Variants in NFATC2 observed in about 807,000 individuals in gnomAD.
The protein encoded by NFATC2 is nuclear factor of activated T-cells, cytoplasmic 2.
In NFATC2, 22 loss-of-function variants were observed where a neutral mutation model predicts 87.3. The observed-to-expected ratio is 0.25, with a 90% CI of 0.18 to 0.36. The LOEUF is 0.36. Among genes scored for constraint, NFATC2 ranks in the 10% least tolerant of loss-of-function variants. The pLI is 1.00. For missense variants in NFATC2, 1,149 were observed against 1,259.1 expected (o/e 0.91, Z 1.32); for synonymous variants, 565 against 542.2 (o/e 1.04, Z -0.58).
chr20:51,540,871 G>A lies in NFATC2; in HGVS notation c.130+1499C>T, dbSNP rs113027961. On this transcript the variant is annotated intron_variant, in intron 1 of 10. Coordinates refer to ENST00000371564, the MANE Select transcript of NFATC2 (RefSeq NM_012340.5). ...CAATCTGGGAGGGGTGTGAGTATTC[G>A]TTCCCTGAAAAACATGACTTTAATC... Among the ~76,000 whole-genome samples, 397 of 152,056 alleles carry A rather than the reference G, an allele frequency of 2.6e-3. 1 individual carries two copies. The highest frequency in any genetic ancestry group is 8.8e-3 in the African/African-American group (365 of 41,432).
chr20:51,523,188 G>T lies in NFATC2; in HGVS notation c.1053C>A (p.Phe351Leu). Residue 351 changes from phenylalanine (F) to leucine (L), a missense_variant, in exon 2 of 11, where the codon TTC becomes TTA. By Grantham distance (22) the Phe-to-Leu change is conservative (BLOSUM62 0). Around this residue, in one of 3 missense-constraint regions of NFATC2, gnomAD observed 563 missense variants for 585.2 expected, o/e 0.96. Coordinates refer to ENST00000371564, the MANE Select transcript of NFATC2 (RefSeq NM_012340.5). The surrounding 1 kb of genome is among the most constrained non-coding windows in gnomAD (Gnocchi z 6.9). ...TCTCGCCCTGCTCGCAGGGCCCCAG[G>T]AACTCCACGGCCGGGTAGATGTGGC... ...LPRHIYPAVE[F>L]LGPCEQGERR... The T allele has an allele frequency of 2.5e-6, 4 of 1,614,196 alleles. No individual in the cohort carries two copies. Among genetic ancestry groups the T allele is most frequent in the Non-Finnish European group, 3.4e-6 (4 of 1,180,034 alleles).
intron 6 of NFATC2, among the ~76,000 whole-genome samples, chr20:51,447,535 C>T (rs555942851): frequency 6.6e-6 from 1 of 152,328 alleles, no homozygotes; most frequent in Non-Finnish European, 1.5e-5. Context: ...CCAGGCGCAG[C>T]GAGTCGCTCA....
At chr20:51,561,339 GAAAGAAAGAGAGAGAAAGA>G in intron 1 of NFATC2, among the ~76,000 whole-genome samples, 2 of 107,436 alleles carry the variant, frequency 1.9e-5, no homozygotes, top group Non-Finnish European at 4.2e-5. Flanking sequence ...AAAAAAAAAA[GAAAGAAAGAGAGAGAAAGA>G]AAAGAAAGAA....
chr20:51,429,629 G>A (rs1348281481), intron 9 of NFATC2, among the ~76,000 whole-genome samples: 1 of 152,242 alleles, frequency 6.6e-6, no homozygotes, highest in Non-Finnish European at 1.5e-5. Context: ...CACCTGGAGC[G>A]TGCGATGCGC....
At chr20:51,553,075 C>T (rs1460559824) in intron 1 of NFATC2, among the ~76,000 whole-genome samples, 2 of 151,762 alleles carry the variant, frequency 1.3e-5, no homozygotes, top group Non-Finnish European at 2.9e-5. Flanking sequence ...AAAATTCCAA[C>T]TTCTTAAAAA....
chr20:51,398,992 G>A, intron 9 of NFATC2: 1 of 380,256 alleles, frequency 2.6e-6, no homozygotes, highest in Non-Finnish European at 4.8e-6. Flanking sequence ...GCGTGTTCAG[G>A]GTGGACAAAA....
At chr20:51,528,034 C>T (rs1218140015) in intron 1 of NFATC2, among the ~76,000 whole-genome samples, 1 of 148,088 alleles carries the variant, frequency 6.8e-6, no homozygotes, top group Non-Finnish European at 1.5e-5. Context: ...TGTAGTGAGC[C>T]ATGATCGTAC....
chr20:51,489,336 T>C (rs1364272125), intron 3 of NFATC2, among the ~76,000 whole-genome samples: 2 of 152,194 alleles, frequency 1.3e-5, no homozygotes, highest in East Asian at 3.8e-4. Flanking sequence ...GCCCCAGCAA[T>C]CATTTTGAAC....
In NFATC2 at chr20:51,454,659, C is replaced by G; in HGVS notation, c.1738G>C (p.Val580Leu). 4 of 1,614,012 alleles carry G rather than the reference C, an allele frequency of 2.5e-6. No homozygotes were observed. Among genetic ancestry groups the G allele is most frequent in the Non-Finnish European group, 3.4e-6 (4 of 1,180,020 alleles). The part of the protein sequence containing the change: ...SQRSAHELPM[V>L]ERQDTDSCLV... ...CAGCTGTCTGTGTCTTGTCTTTCAA[C>G]CATGGGCAGCTCGTGAGCAGATCGC... The change falls in exon 6 of 11, where the codon GTT (valine) becomes CTT (leucine). Residue 580 changes from valine to leucine, a missense_variant. Physicochemically the swap from Val to Leu is conservative, Grantham distance 32. Coordinates refer to ENST00000371564, the MANE Select transcript of NFATC2 (RefSeq NM_012340.5).
intron 3 of NFATC2, among the ~76,000 whole-genome samples, chr20:51,510,170 A>C (rs575291857): frequency 2.9e-4 from 44 of 152,354 alleles, no homozygotes; most frequent in African/African-American, 1.0e-3. Flanking sequence ...TTGTAAGAAT[A>C]ACATTTTTTG....
At chr20:51,427,916 G>A (rs13044747) in intron 9 of NFATC2, among the ~76,000 whole-genome samples, 137,373 of 152,274 alleles carry the variant, frequency 0.9, 62,106 homozygotes, top group East Asian at 0.96. Context: ...GCTAATGTCT[G>A]TCTCGCTTAC....
At chr20:51,546,935 T>A (rs2076894327), upstream of NFATC2, among the ~76,000 whole-genome samples, 1 of 152,004 alleles carries the variant, frequency 6.6e-6, no homozygotes, top group African/African-American at 2.4e-5. Flanking sequence ...AGGAGGAAAG[T>A]ATGAAACGAT....
chr20:51,512,086 CAG>C (rs2076280535), intron 3 of NFATC2, among the ~76,000 whole-genome samples: 1 of 152,148 alleles, frequency 6.6e-6, no homozygotes. Context: ...CTAAGAGAGA[CAG>C]AGAGCACGGA....
At chr20:51,401,776 G>GATA (rs1988074765) in intron 9 of NFATC2, among the ~76,000 whole-genome samples, 1 of 152,190 alleles carries the variant, frequency 6.6e-6, no homozygotes, top group South Asian at 2.1e-4. Context: ...TGGACTAGGT[G>GATA]ATAATTTAAG....
upstream of NFATC2, among the ~76,000 whole-genome samples, chr20:51,543,230 C>G (rs138957338): frequency 5.1e-4 from 78 of 152,306 alleles, no homozygotes; most frequent in East Asian, 0.013. Context: ...ACTAGTCCCC[C>G]CCGTTACAGC....
chr20:51,413,813 C>T (rs1413359369), intron 9 of NFATC2, among the ~76,000 whole-genome samples: 1 of 152,136 alleles, frequency 6.6e-6, no homozygotes, highest in African/African-American at 2.4e-5. Flanking sequence ...AGAACATGTA[C>T]AAATGTACTC....
At chr20:51,554,433 C>T (rs2076960652) in intron 1 of NFATC2, among the ~76,000 whole-genome samples, 1 of 152,190 alleles carries the variant, frequency 6.6e-6, no homozygotes, top group South Asian at 2.1e-4. Context: ...CAGGACCCTA[C>T]AGAAAAGACC....
chr20:51,519,450 T>C (rs1303688294), intron 2 of NFATC2, among the ~76,000 whole-genome samples: 1 of 113,514 alleles, frequency 8.8e-6, no homozygotes, highest in Non-Finnish European at 1.9e-5. Context: ...CTGCCTCTAC[T>C]AAAAATACAA....
chr20:51,502,146 C>T (rs1264599411), intron 3 of NFATC2, among the ~76,000 whole-genome samples: 1 of 152,152 alleles, frequency 6.6e-6, no homozygotes, highest in Non-Finnish European at 1.5e-5. Flanking sequence ...AATCCATGGA[C>T]CAAACTGAGC....
Sources: allele counts gnomAD v4.1 joint callset (sites outside exome capture counted in the v4.1 genomes callset), GRCh38; gene constraint gnomAD v4.1.1; regional missense constraint gnomAD v4.1.1; non-coding constraint Gnocchi (gnomAD v3.1); transcripts MANE v1.5; gene names NCBI Gene and HGNC (gene_info 2026-07-23, HGNC 2026-07-21).